The following ROBO2 variants were observed in gnomAD, a reference collection of about 807,000 sequenced individuals.
The protein encoded by ROBO2 is roundabout guidance receptor 2, also known as roundabout homolog 2.
A neutral mutation model predicts 160.8 loss-of-function variants in ROBO2; 53 were observed. The ratio of observed to expected loss-of-function variants is 0.33; its 90% CI spans 0.26 to 0.41. The LOEUF (loss-of-function observed/expected upper bound fraction) is 0.41, where lower values mean the gene tolerates loss of function less well. ROBO2 is among the 10% of genes least tolerant of loss of function. ROBO2 has a pLI of 1.00. For synonymous variants in ROBO2, 664 were observed against 611.7 expected, an observed-to-expected ratio of 1.09 and a Z score of -1.26; for missense variants, 1,577 against 1,722.4, an observed-to-expected ratio of 0.92 and a Z score of 1.49.
chr3:75,961,788 A>G (rs1387709850), intron 2 of ROBO2, among the ~76,000 whole-genome samples: 1 of 151,672 alleles, frequency 6.6e-6, no homozygotes, highest in Non-Finnish European at 1.5e-5. Flanking sequence ...AAAGATAGAA[A>G]ATTTTTTTCA....
At chr3:76,645,911 T>C (rs1193451557) in intron 2 of ROBO2, among the ~76,000 whole-genome samples, 2 of 152,140 alleles carry the variant, frequency 1.3e-5, no homozygotes, top group African/African-American at 4.8e-5. Flanking sequence ...GAGCTGTCCA[T>C]TGTATAGAGA....
chr3:75,930,163 T>C (rs1947474022), intron 1 of ROBO2, among the ~76,000 whole-genome samples: 1 of 152,202 alleles, frequency 6.6e-6, no homozygotes, highest in Non-Finnish European at 1.5e-5. Flanking sequence ...TCCACTTTAT[T>C]GTCATCAAAT....
chr3:76,208,934 G>T (rs1468234920), intron 2 of ROBO2, among the ~76,000 whole-genome samples: 1 of 152,028 alleles, frequency 6.6e-6, no homozygotes, highest in Non-Finnish European at 1.5e-5. Flanking sequence ...TTCTGCATTT[G>T]GAGGTCGTTT....
At chr3:77,360,774 G>A (rs555233420) in intron 2 of ROBO2, among the ~76,000 whole-genome samples, 1 of 152,090 alleles carries the variant, frequency 6.6e-6, no homozygotes, top group Admixed American at 6.6e-5. Context: ...CTGTGTCTGG[G>A]CCCCATCTCC....
At chr3:76,680,494 G>A (rs2092531468) in intron 2 of ROBO2, among the ~76,000 whole-genome samples, 2 of 151,916 alleles carry the variant, frequency 1.3e-5, no homozygotes, top group African/African-American at 4.8e-5. Context: ...AGAGTGATTA[G>A]GAATGTAGAT....
chr3:76,688,669 G>T (rs535910879), intron 2 of ROBO2, among the ~76,000 whole-genome samples: 1 of 151,470 alleles, frequency 6.6e-6, no homozygotes, highest in African/African-American at 2.4e-5. Flanking sequence ...GTCCTTTGAA[G>T]TTATTTGTTA....
intron 2 of ROBO2, among the ~76,000 whole-genome samples, chr3:76,912,092 C>A (rs1279465420): frequency 6.6e-6 from 1 of 152,126 alleles, no homozygotes; most frequent in East Asian, 1.9e-4. Flanking sequence ...AGATATTGAA[C>A]ATTAGACATA....
At chr3:76,074,819 T>G (rs2068589789) in intron 2 of ROBO2, among the ~76,000 whole-genome samples, 1 of 152,158 alleles carries the variant, frequency 6.6e-6, no homozygotes, top group Admixed American at 6.5e-5. Flanking sequence ...AAAGTATATG[T>G]AAAGAAGACA....
At position 77,114,377 on chromosome 3, in the gene ROBO2, C is replaced by G. The variant is rs1016694879; in HGVS notation, c.388+16037C>G. ...AATTTAGTAGCACTTTTAAGCTAAC[C>G]TTTTCCCTAAGCCATGAAAAGACTT... On this transcript the variant is annotated intron_variant, in intron 2 of 25. Transcript: ENST00000461745. 2.0e-5 allele frequency among the ~76,000 whole-genome samples: 3 copies of G among 152,142 alleles called. No homozygotes were observed. The East Asian group carries it at 5.8e-4, about 29-fold the overall frequency.
chr3:77,374,203 A>AAAAAT (rs1581444763), intron 2 of ROBO2, among the ~76,000 whole-genome samples: 1 of 109,066 alleles, frequency 9.2e-6, no homozygotes, highest in African/African-American at 3.0e-5. Context: ...AAAAAAAAAA[A>AAAAAT]GCTGGACTAA....
chr3:77,184,301 T>C (rs1348273455), intron 2 of ROBO2, among the ~76,000 whole-genome samples: 4 of 152,048 alleles, frequency 2.6e-5, no homozygotes, highest in African/African-American at 9.7e-5. Context: ...CAGTCATTCA[T>C]TTACCAAAAA....
At chr3:76,002,998 A>T (rs911244841) in intron 2 of ROBO2, among the ~76,000 whole-genome samples, 1 of 151,934 alleles carries the variant, frequency 6.6e-6, no homozygotes, top group African/African-American at 2.4e-5. Context: ...AGAACCTCCA[A>T]CTCTCCATGC....
At chr3:76,800,511 A>G (rs544059604) in intron 2 of ROBO2, among the ~76,000 whole-genome samples, 21 of 152,196 alleles carry the variant, frequency 1.4e-4, no homozygotes, top group Admixed American at 3.9e-4. Flanking sequence ...AAGGAGCTCA[A>G]AAAGCTCTAG....
intron 2 of ROBO2, among the ~76,000 whole-genome samples, chr3:77,326,734 G>T (rs2065440038): frequency 6.6e-6 from 1 of 152,156 alleles, no homozygotes; most frequent in Non-Finnish European, 1.5e-5. Flanking sequence ...ACAGATTGAA[G>T]GAGATAATCC....
At chr3:76,095,884 TAA>T (rs1338611361) in intron 2 of ROBO2, among the ~76,000 whole-genome samples, 1 of 151,906 alleles carries the variant, frequency 6.6e-6, no homozygotes, top group Non-Finnish European at 1.5e-5. Flanking sequence ...GTAAAATATA[TAA>T]TACTAAGCTA....
chr3:77,028,671 A>G (rs2063124367), intron 2 of ROBO2, among the ~76,000 whole-genome samples: 2 of 152,158 alleles, frequency 1.3e-5, no homozygotes, highest in African/African-American at 4.8e-5. Context: ...GTGAGCCAAG[A>G]TCGCGTCACT....
chr3:76,806,129 T>C (rs2064685333), intron 2 of ROBO2, among the ~76,000 whole-genome samples: 1 of 151,914 alleles, frequency 6.6e-6, no homozygotes, highest in Admixed American at 6.6e-5. Context: ...ATTATCTCAG[T>C]CTTTATGTCA....
At chr3:76,560,392 G>A (rs1437493393) in intron 2 of ROBO2, among the ~76,000 whole-genome samples, 1 of 151,904 alleles carries the variant, frequency 6.6e-6, no homozygotes, top group Non-Finnish European at 1.5e-5. Flanking sequence ...ATTTGAAAAA[G>A]AGCTATCAAA....
chr3:76,568,928 A>C (rs1404713110), intron 2 of ROBO2, among the ~76,000 whole-genome samples: 1 of 152,214 alleles, frequency 6.6e-6, no homozygotes, highest in Non-Finnish European at 1.5e-5. Flanking sequence ...CTGCAACTAA[A>C]TAAATGTCAT....
Sources: gnomAD v4.1 joint callset for allele counts (sites outside exome capture counted in the v4.1 genomes callset) on GRCh38, gnomAD v4.1.1 for gene constraint, MANE v1.5 for transcripts, NCBI Gene and HGNC (gene_info 2026-07-23, HGNC 2026-07-21) for gene names.